The following LRMDA variants were observed in gnomAD, a reference collection of about 807,000 sequenced individuals.
The protein encoded by LRMDA is leucine-rich melanocyte differentiation-associated protein.
Under a neutral mutation model 29.8 loss-of-function variants are expected in LRMDA, and 18 were observed. That is an observed-to-expected ratio of 0.60 (90% CI 0.42 to 0.90). The LOEUF (loss-of-function observed/expected upper bound fraction) is 0.90. LRMDA is among the 40% of genes least tolerant of loss of function. LRMDA has a pLI of 0.00. For synonymous variants in LRMDA, 125 were observed against 109.4 expected (o/e 1.14, Z -0.89); for missense variants, 273 against 273.9 (o/e 1.00, Z 0.02).
chr10:75,454,718 C>G (rs973446650), intron 2 of LRMDA, among the ~76,000 whole-genome samples: 1 of 152,144 alleles, frequency 6.6e-6, no homozygotes, highest in African/African-American at 2.4e-5. Context: ...TGAGGTGGAC[C>G]AATATCACAG....
At chr10:76,100,296 T>C (rs1375067650) in intron 5 of LRMDA, among the ~76,000 whole-genome samples, 1 of 152,048 alleles carries the variant, frequency 6.6e-6, no homozygotes, top group Non-Finnish European at 1.5e-5. Flanking sequence ...GTAAAGGGAA[T>C]GTGGAATCTA....
At chr10:76,073,993 C>A (rs1045996310) in intron 5 of LRMDA, among the ~76,000 whole-genome samples, 5 of 152,112 alleles carry the variant, frequency 3.3e-5, no homozygotes, top group African/African-American at 1.2e-4. Flanking sequence ...TTGCATAATA[C>A]CAATCATTCT....
In LRMDA at chr10:75,925,557, G is replaced by C. The variant is rs532605028; in HGVS notation, c.132-110451G>C. ...TACATTTGGTTTAGTAGTTTGGAGG[G>C]GGGGAGCTTCTTTCCAAAGAGATAA... On this transcript the variant is annotated intron_variant, in intron 2 of 6. Coordinates refer to ENST00000611255, the MANE Select transcript of LRMDA (RefSeq NM_001305581.2). Among the ~76,000 whole-genome samples the C allele has an allele frequency of 1.1e-4, 16 of 152,294 alleles. No homozygotes were observed. The East Asian group carries it at 1.3e-3, about 13-fold the overall frequency.
intron 2 of LRMDA, among the ~76,000 whole-genome samples, chr10:75,980,909 C>G (rs1004968445): frequency 6.6e-6 from 1 of 152,184 alleles, no homozygotes; most frequent in African/African-American, 2.4e-5. Flanking sequence ...AATATTAACC[C>G]TTTGGTAACG....
chr10:75,980,945 T>C (rs942262165), intron 2 of LRMDA, among the ~76,000 whole-genome samples: 1 of 152,204 alleles, frequency 6.6e-6, no homozygotes, highest in African/African-American at 2.4e-5. Context: ...CCATGTGTTA[T>C]AGAACTCTCC....
intron 5 of LRMDA, among the ~76,000 whole-genome samples, chr10:76,268,267 T>C (rs1840028897): frequency 6.6e-6 from 1 of 152,206 alleles, no homozygotes; most frequent in Admixed American, 6.5e-5. Context: ...TCTTGACACA[T>C]AGTCCTCTGT....
At chr10:76,197,766 A>G (rs1851355673) in intron 5 of LRMDA, among the ~76,000 whole-genome samples, 1 of 152,142 alleles carries the variant, frequency 6.6e-6, no homozygotes, top group Non-Finnish European at 1.5e-5. Flanking sequence ...TAAAAAATAC[A>G]AAAATTAGCC....
chr10:75,443,709 C>A (rs76598101), intron 2 of LRMDA, among the ~76,000 whole-genome samples: 1 of 152,010 alleles, frequency 6.6e-6, no homozygotes, highest in Non-Finnish European at 1.5e-5. Context: ...TTGTTAAGTA[C>A]GTTTGAAAGT....
At chr10:75,906,870 GGGGTGCAA>G (rs145200843) in intron 2 of LRMDA, among the ~76,000 whole-genome samples, 39,776 of 151,844 alleles carry the variant, frequency 0.26, 5,361 homozygotes, top group South Asian at 0.43. Context: ...AGTGGACTTG[GGGGTGCAA>G]GGTTGAACAG....
At chr10:75,838,919 G>A (rs1024114100) in intron 2 of LRMDA, among the ~76,000 whole-genome samples, 1 of 152,150 alleles carries the variant, frequency 6.6e-6, no homozygotes, top group Non-Finnish European at 1.5e-5. Flanking sequence ...CTAGTAGGTG[G>A]GAGAGCACAA....
chr10:75,592,407 T>C (rs1228444575), intron 2 of LRMDA, among the ~76,000 whole-genome samples: 1 of 152,234 alleles, frequency 6.6e-6, no homozygotes, highest in Non-Finnish European at 1.5e-5. Context: ...GAAGTTGTAA[T>C]AAAGTCTTCA....
intron 5 of LRMDA, among the ~76,000 whole-genome samples, chr10:76,188,935 T>TACAC (rs3998129): frequency 0.031 from 4,402 of 141,672 alleles, 68 homozygotes; most frequent in Non-Finnish European, 0.037. Flanking sequence ...TGATTGCATG[T>TACAC]ACACACACAC....
In LRMDA at chr10:76,470,935, A is replaced by C. The variant is rs1311097651; in HGVS notation, c.602-86274A>C. ...ACAAAAATGGTAAATTTTGTTATGC[A>C]CGTTAACCACAATAAAAATAATTAA... On this transcript the variant is annotated intron_variant, in intron 6 of 6. Coordinates refer to ENST00000611255, the MANE Select transcript of LRMDA (RefSeq NM_001305581.2). Among the ~76,000 whole-genome samples the C allele has an allele frequency of 7.9e-5, 12 of 151,992 alleles. No homozygotes were observed. The East Asian group carries it at 2.3e-3, about 29-fold the overall frequency.
intron 5 of LRMDA, among the ~76,000 whole-genome samples, chr10:76,157,297 A>C (rs1012699535): frequency 2.6e-5 from 4 of 152,156 alleles, no homozygotes; most frequent in African/African-American, 9.6e-5. Context: ...GTATATTTCA[A>C]ATTGAAGAAT....
chr10:76,140,986 C>T (rs2132149755), intron 5 of LRMDA, among the ~76,000 whole-genome samples: 1 of 152,222 alleles, frequency 6.6e-6, no homozygotes, highest in Non-Finnish European at 1.5e-5. Context: ...AAATTGCCTA[C>T]ATTCCCCCAT....
At chr10:76,529,952 A>C (rs1843216635) in intron 6 of LRMDA, among the ~76,000 whole-genome samples, 1 of 152,124 alleles carries the variant, frequency 6.6e-6, no homozygotes, top group Non-Finnish European at 1.5e-5. Flanking sequence ...CCAAAGAGAA[A>C]GTCTTTGAGG....
At chr10:75,759,910 T>A (rs1030159699) in intron 2 of LRMDA, among the ~76,000 whole-genome samples, 4 of 152,252 alleles carry the variant, frequency 2.6e-5, no homozygotes, top group African/African-American at 9.6e-5. Flanking sequence ...AATGCTTTTT[T>A]CTACAGGCTA....
At chr10:75,508,639 C>T (rs1319968115) in intron 2 of LRMDA, among the ~76,000 whole-genome samples, 2 of 152,140 alleles carry the variant, frequency 1.3e-5, no homozygotes, top group African/African-American at 4.8e-5. Flanking sequence ...TATGACTTTC[C>T]TGTTCTCCTC....
Position 75,795,402 on chromosome 10 carries a change from TAAATA to T in LRMDA, c.132-240592_132-240588del, listed in dbSNP as rs965691609. 6.3e-5 allele frequency among the ~76,000 whole-genome samples: 8 copies of T among 127,120 alleles called. No homozygotes were observed. The East Asian group carries it at 6.6e-4, about 10-fold the overall frequency. 83.4% of individuals were successfully genotyped at this position (127,120 alleles called of 152,430 possible). On this transcript the variant is annotated intron_variant, in intron 2 of 6. Coordinates refer to ENST00000611255, the MANE Select transcript of LRMDA (RefSeq NM_001305581.2). ...AGCAAGACTCTGTCTCAAAAATAAA[TAAATA>T]AAATAAAATAAAAGAAGAAAAAGAA...
Sources: allele counts gnomAD v4.1 joint callset (sites outside exome capture counted in the v4.1 genomes callset), GRCh38; gene constraint gnomAD v4.1.1; transcripts MANE v1.5; gene names NCBI Gene and HGNC (gene_info 2026-07-23, HGNC 2026-07-21).